TMPRSS7: variants seen among roughly 807,000 people sequenced by gnomAD.
The protein encoded by TMPRSS7 is transmembrane protease serine 7.
A neutral mutation model predicts 95.6 loss-of-function variants in TMPRSS7; 81 were observed. The ratio of observed to expected loss-of-function variants is 0.85; its 90% CI spans 0.71 to 1.02. The LOEUF is 1.02. Among genes scored for constraint, TMPRSS7 ranks in the 50% least tolerant of loss-of-function variants. TMPRSS7 has a pLI of 0.00. For synonymous variants in TMPRSS7, 364 were observed against 337.8 expected (o/e 1.08, Z -0.85); for missense variants, 945 against 955.2 (o/e 0.99, Z 0.14).
chr3:112,078,898 C>G lies in TMPRSS7; in HGVS notation c.2361+20C>G, dbSNP rs757826779. 1 of 1,610,944 alleles carries G rather than the reference C, an allele frequency of 6.2e-7. No homozygotes were observed. Among genetic ancestry groups the G allele is most frequent in the Non-Finnish European group, 8.5e-7 (1 of 1,178,900 alleles). ...TGCAAAGTAAGTCATTGTACCTTTC[C>G]CTTGCCTAACATGTTGTGCTTTCCA... On this transcript the variant is annotated intron_variant, in intron 17 of 17. Coordinates refer to ENST00000452346, the Ensembl canonical transcript of TMPRSS7.
intron 9 of TMPRSS7, among the ~76,000 whole-genome samples, chr3:112,052,025 T>C (rs1398529734): frequency 6.6e-6 from 1 of 152,158 alleles, no homozygotes; most frequent in East Asian, 1.9e-4. Context: ...GCAGCAGCCC[T>C]GCTCTCATGG....
At chr3:112,035,277 A>G (rs904653735) in intron 1 of TMPRSS7, among the ~76,000 whole-genome samples, 2 of 152,218 alleles carry the variant, frequency 1.3e-5, no homozygotes, top group Non-Finnish European at 2.9e-5. Context: ...ACTTGAAAGT[A>G]GCTTGATACC....
chr3:112,050,762 C>G lies in TMPRSS7; in HGVS notation c.1182C>G (p.Cys394Trp), dbSNP rs777244747. Residue 394 changes from cysteine (C) to tryptophan (W), a missense_variant, in exon 9 of 18, where the codon TGC becomes TGG. By Grantham distance (215) the Cys-to-Trp change is radical. Transcript: ENST00000452346. ...ACCCGAGCTACTATCCTCCAAAATG[C>G]AAGTGTACCTGGAAATTTCAGGTAG... The G allele has an allele frequency of 1.6e-5, 25 of 1,596,714 alleles. No individual in the cohort carries two copies. Among genetic ancestry groups the G allele is most frequent in the African/African-American group, 1.1e-4 (8 of 74,522 alleles).
intron 11 of TMPRSS7, among the ~76,000 whole-genome samples, chr3:112,062,823 G>A (rs2073527246): frequency 6.6e-6 from 1 of 152,254 alleles, no homozygotes; most frequent in Admixed American, 6.5e-5. Context: ...TTTTGCAAAA[G>A]GGGAGGAAGG....
intron 3 of TMPRSS7, among the ~76,000 whole-genome samples, chr3:112,043,737 C>G (rs1176321821): frequency 6.6e-6 from 1 of 152,146 alleles, no homozygotes; most frequent in Admixed American, 6.5e-5. Flanking sequence ...CCCTTGAGAT[C>G]CAATTATGAA....
intron 13 of TMPRSS7, among the ~76,000 whole-genome samples, chr3:112,068,197 T>G (rs997831224): frequency 2.0e-5 from 3 of 152,230 alleles, no homozygotes; most frequent in Non-Finnish European, 4.4e-5. Context: ...TCTGTTTTGG[T>G]ACCAGCACCA....
chr3:112,053,182 A>AT (rs1390072926), intron 9 of TMPRSS7, among the ~76,000 whole-genome samples: 84 of 12,646 alleles, frequency 6.6e-3, no homozygotes, highest in African/African-American at 0.01. Context: ...CTTTGAATTT[A>AT]TTAAAAAAAA....
At chr3:112,038,348 G>A (rs1203025107) in intron 2 of TMPRSS7, 27 bp downstream of exon 2, 2 of 697,048 alleles carry the variant, frequency 2.9e-6, no homozygotes, top group Non-Finnish European at 5.2e-6. Flanking sequence ...TGTTTCTTTG[G>A]GGTTAGGGCT....
chr3:112,071,106 G>A (rs2073640903), intron 13 of TMPRSS7, among the ~76,000 whole-genome samples: 1 of 152,132 alleles, frequency 6.6e-6, no homozygotes, highest in African/African-American at 2.4e-5. Flanking sequence ...TCCATGTTTA[G>A]TGCTTCCTTC....
chr3:112,046,720 A>G (rs2073283432), intron 5 of TMPRSS7, among the ~76,000 whole-genome samples: 1 of 152,218 alleles, frequency 6.6e-6, no homozygotes, highest in Non-Finnish European at 1.5e-5. Flanking sequence ...AGGATACAAA[A>G]GTAAAGAGAA....
chr3:112,059,649 G>A (rs535090481), intron 10 of TMPRSS7, among the ~76,000 whole-genome samples: 16 of 152,198 alleles, frequency 1.1e-4, no homozygotes, highest in Non-Finnish European at 1.9e-4. Context: ...GCTTTCAGGT[G>A]CCTCTCAGAC....
chr3:112,076,378 A>G, intron 15 of TMPRSS7, among the ~76,000 whole-genome samples: 1 of 152,226 alleles, frequency 6.6e-6, no homozygotes, highest in East Asian at 1.9e-4. Flanking sequence ...CAGTAAGAGT[A>G]GTGATCATTA....
At chr3:112,050,048 A>G in intron 8 of TMPRSS7, 74 bp downstream of exon 8, 1 of 1,416,986 alleles carries the variant, frequency 7.1e-7, no homozygotes, top group Non-Finnish European at 9.4e-7. Flanking sequence ...ATCTTTCTGG[A>G]AGCTGTGTTG....
intron 15 of TMPRSS7, 37 bp downstream of exon 15, chr3:112,075,529 T>A: frequency 7.3e-7 from 1 of 1,377,994 alleles, no homozygotes; most frequent in Non-Finnish European, 9.5e-7. Context: ...AGTGGCACTC[T>A]GTGGCCATAG....
intron 11 of TMPRSS7, among the ~76,000 whole-genome samples, chr3:112,062,732 T>C (rs1185300538): frequency 6.6e-6 from 1 of 152,204 alleles, no homozygotes; most frequent in Non-Finnish European, 1.5e-5. Flanking sequence ...TTTTAAACCA[T>C]AACTATTTTC....
intron 4 of TMPRSS7, among the ~76,000 whole-genome samples, 178 bp from the exon 5 acceptor site, chr3:112,045,572 T>A (rs927521236): frequency 6.6e-6 from 1 of 152,248 alleles, no homozygotes; most frequent in African/African-American, 2.4e-5. Context: ...TCTGAATACA[T>A]ATAACATGAT....
chr3:112,054,460 A>T (rs748844062), intron 9 of TMPRSS7, among the ~76,000 whole-genome samples: 1 of 152,232 alleles, frequency 6.6e-6, no homozygotes, highest in Non-Finnish European at 1.5e-5. Flanking sequence ...AATATAAGTA[A>T]TGACTTTTGG....
chr3:112,045,616 A>G (rs1372261454), intron 4 of TMPRSS7, 134 bp from the exon 5 acceptor site: 8 of 773,440 alleles, frequency 1.0e-5, no homozygotes, highest in Non-Finnish European at 1.7e-5. Flanking sequence ...ACAGACGTCA[A>G]TGACTACCTA....
At chr3:112,050,845 T>G (rs1273776861) in intron 9 of TMPRSS7, 62 bp downstream of exon 9, 3 of 792,092 alleles carry the variant, frequency 3.8e-6, no homozygotes, top group Non-Finnish European at 6.0e-6. Flanking sequence ...TAGCATGAAT[T>G]TCATTCATTT....
Sources: gnomAD v4.1 joint callset for allele counts (sites outside exome capture counted in the v4.1 genomes callset) on GRCh38, gnomAD v4.1.1 for gene constraint, MANE v1.5 for transcripts, NCBI Gene and HGNC (gene_info 2026-07-23, HGNC 2026-07-21) for gene names.